Variants in SSBP2 observed in about 807,000 individuals in gnomAD.
The protein encoded by SSBP2 is single-stranded DNA-binding protein 2.
In SSBP2, 17 loss-of-function variants were observed where a neutral mutation model predicts 61.8. That is an observed-to-expected ratio of 0.28 (90% confidence interval 0.19 to 0.41). The LOEUF is 0.41. SSBP2 is among the 10% of genes least tolerant of loss of function. The pLI is 1.00. For synonymous variants in SSBP2, 139 were observed against 141.3 expected (o/e 0.98, Z 0.12); for missense variants, 310 against 458.7 (o/e 0.68, Z 2.96).
chr5:81,644,027 G>A (rs997551746), intron 2 of SSBP2, among the ~76,000 whole-genome samples: 7 of 152,152 alleles, frequency 4.6e-5, no homozygotes, highest in Admixed American at 2.0e-4. Flanking sequence ...CGGTAGTCAC[G>A]TGTGGCTATT....
chr5:81,462,104 C>A (rs953773245), intron 9 of SSBP2, among the ~76,000 whole-genome samples: 1 of 152,088 alleles, frequency 6.6e-6, no homozygotes, highest in African/African-American at 2.4e-5. Context: ...TTGGGCCACA[C>A]TGGAAGAAGA....
chr5:81,558,354 G>C (rs941186598), intron 4 of SSBP2, among the ~76,000 whole-genome samples: 2 of 152,212 alleles, frequency 1.3e-5, no homozygotes, highest in Admixed American at 6.5e-5. Flanking sequence ...AGATCAAGGT[G>C]CTGGCAGATC....
chr5:81,472,002 T>C (rs1466196685), intron 8 of SSBP2, among the ~76,000 whole-genome samples: 1 of 152,126 alleles, frequency 6.6e-6, no homozygotes, highest in African/African-American at 2.4e-5. Flanking sequence ...ATCTGGGTGC[T>C]GAGTTCTCAA....
chr5:81,481,244 A>T (rs560785671), intron 6 of SSBP2, among the ~76,000 whole-genome samples: 3 of 152,310 alleles, frequency 2.0e-5, no homozygotes, highest in Admixed American at 2.0e-4. Context: ...AATTATTTCC[A>T]GAAGGTTTTC....
chr5:81,682,409 C>A (rs1752453348), intron 1 of SSBP2, among the ~76,000 whole-genome samples: 1 of 152,096 alleles, frequency 6.6e-6, no homozygotes, highest in Non-Finnish European at 1.5e-5. Flanking sequence ...TAAGTGGTCA[C>A]ATCAACAGGC....
At chr5:81,572,506 C>T (rs996000248) in intron 4 of SSBP2, among the ~76,000 whole-genome samples, 6 of 152,172 alleles carry the variant, frequency 3.9e-5, no homozygotes, top group African/African-American at 1.4e-4. Context: ...ATTAGATTTA[C>T]AAATCTGCAA....
chr5:81,584,311 T>C (rs1465829951), intron 4 of SSBP2, among the ~76,000 whole-genome samples: 2 of 152,174 alleles, frequency 1.3e-5, no homozygotes, highest in African/African-American at 2.4e-5. Flanking sequence ...TTACAGAATA[T>C]ATATAATTTT....
At chr5:81,636,446 A>C (rs1169816368) in intron 3 of SSBP2, 111 bp downstream of exon 3, 2 of 895,988 alleles carry the variant, frequency 2.2e-6, no homozygotes, top group Admixed American at 2.8e-5. Flanking sequence ...CCTTCCAGAA[A>C]ATTTTAGAAA....
At chr5:81,497,406 T>A (rs1767370726) in intron 5 of SSBP2, among the ~76,000 whole-genome samples, 3 of 152,200 alleles carry the variant, frequency 2.0e-5, no homozygotes, top group Non-Finnish European at 4.4e-5. Context: ...ATTGACCAAG[T>A]GATCACCAAC....
chr5:81,531,549 G>A (rs1463393496), intron 4 of SSBP2, among the ~76,000 whole-genome samples: 1 of 152,028 alleles, frequency 6.6e-6, no homozygotes, highest in African/African-American at 2.4e-5. Context: ...AGTGTTTAAG[G>A]TAAGAATTAA....
At chr5:81,457,554 C>T (rs369778372) in intron 10 of SSBP2, among the ~76,000 whole-genome samples, 10 of 152,248 alleles carry the variant, frequency 6.6e-5, no homozygotes, top group African/African-American at 1.9e-4. Flanking sequence ...TTATTTTATA[C>T]TGGAGAAACC....
At chr5:81,514,918 A>G (rs1486379345) in intron 4 of SSBP2, among the ~76,000 whole-genome samples, 2 of 152,124 alleles carry the variant, frequency 1.3e-5, no homozygotes, top group African/African-American at 4.8e-5. Context: ...CAAAATTTTA[A>G]ATTTCTGATA....
chr5:81,492,249 T>C (rs1766909807), intron 5 of SSBP2, among the ~76,000 whole-genome samples: 1 of 152,180 alleles, frequency 6.6e-6, no homozygotes, highest in African/African-American at 2.4e-5. Flanking sequence ...ATGCCTGTAA[T>C]CCCAGCACTT....
intron 12 of SSBP2, 30 bp from the exon 13 acceptor site, chr5:81,442,753 TTTC>T (rs1238451211): frequency 7.8e-7 from 1 of 1,275,698 alleles, no homozygotes; most frequent in African/African-American, 1.5e-5. Flanking sequence ...AATTAAAATA[TTTC>T]TTTAGAGTCT....
chr5:81,543,908 T>C (rs1345541429), intron 4 of SSBP2, among the ~76,000 whole-genome samples: 1 of 152,176 alleles, frequency 6.6e-6, no homozygotes, highest in Non-Finnish European at 1.5e-5. Context: ...ATAAATAAAA[T>C]GGATATGTTT....
At chr5:81,737,799 A>C (rs1294883611) in intron 1 of SSBP2, among the ~76,000 whole-genome samples, 1 of 151,298 alleles carries the variant, frequency 6.6e-6, no homozygotes, top group Non-Finnish European at 1.5e-5. Flanking sequence ...AAAAAAAAAA[A>C]AAAACAAAAA....
intron 1 of SSBP2, among the ~76,000 whole-genome samples, chr5:81,668,248 TAAAA>T (rs11332987): frequency 2.0e-4 from 19 of 94,904 alleles, no homozygotes; most frequent in African/African-American, 6.6e-4. Context: ...TATGGAAGTT[TAAAA>T]AAAAAAAAAA....
intron 1 of SSBP2, among the ~76,000 whole-genome samples, chr5:81,695,506 C>A (rs549250484): frequency 6.9e-5 from 9 of 131,094 alleles, no homozygotes; most frequent in East Asian, 2.5e-4. Context: ...CCCCTCCCCC[C>A]ACCCCACGAC....
At chr5:81,470,672 T>C (rs1765191849) in intron 8 of SSBP2, among the ~76,000 whole-genome samples, 1 of 151,942 alleles carries the variant, frequency 6.6e-6, no homozygotes, top group Admixed American at 6.6e-5. Flanking sequence ...ACATCTATGT[T>C]AAAAAAGAAA....
Sources: allele counts gnomAD v4.1 joint callset (sites outside exome capture counted in the v4.1 genomes callset), GRCh38; gene constraint gnomAD v4.1.1; transcripts MANE v1.5; gene names NCBI Gene and HGNC (gene_info 2026-07-23, HGNC 2026-07-21).